SLC17A3: variants seen among roughly 807,000 people sequenced by gnomAD.
The protein encoded by SLC17A3 is solute carrier family 17 member 3.
In SLC17A3, 61 loss-of-function variants were observed where a neutral mutation model predicts 60.3. The observed-to-expected ratio is 1.01, with a 90% CI of 0.82 to 1.25. SLC17A3 has a LOEUF of 1.25. Among genes scored for constraint, SLC17A3 ranks in the 50% most tolerant of loss-of-function variants. The pLI is 0.00. For synonymous variants in SLC17A3, 192 were observed against 208.9 expected, an observed-to-expected ratio of 0.92 and a Z score of 0.70; for missense variants, 624 against 594.9, an observed-to-expected ratio of 1.05 and a Z score of -0.51.
chr6:25,856,367 A>G (rs979546043), intron 5 of SLC17A3, among the ~76,000 whole-genome samples: 4 of 152,168 alleles, frequency 2.6e-5, no homozygotes, highest in Non-Finnish European at 5.9e-5. Context: ...CTCCGAAGAA[A>G]TGGAATGACA....
intron 2 of SLC17A3, among the ~76,000 whole-genome samples, chr6:25,863,127 C>T (rs755516785): frequency 2.6e-5 from 4 of 151,936 alleles, no homozygotes; most frequent in East Asian, 1.9e-4. Flanking sequence ...GCAACTAAAA[C>T]GCAGAAATCT....
At chr6:25,871,405 T>C (rs912829540) in intron 1 of SLC17A3, among the ~76,000 whole-genome samples, 8 of 149,386 alleles carry the variant, frequency 5.4e-5, no homozygotes, top group African/African-American at 1.5e-4. Flanking sequence ...AACCAAACAC[T>C]GCATGTTCTC....
At chr6:25,847,168 A>C (rs1765188337) in intron 11 of SLC17A3, among the ~76,000 whole-genome samples, 1 of 152,004 alleles carries the variant, frequency 6.6e-6, no homozygotes, top group Non-Finnish European at 1.5e-5. Flanking sequence ...AAGTGAGAAC[A>C]TGTGGTATTT....
At chr6:25,869,140 G>T (rs980288370) in intron 1 of SLC17A3, among the ~76,000 whole-genome samples, 3 of 151,940 alleles carry the variant, frequency 2.0e-5, no homozygotes, top group Non-Finnish European at 4.4e-5. Context: ...TAACATGGAG[G>T]TTGTGACCTT....
chr6:25,845,148 C>G lies in SLC17A3; in HGVS notation c.*153G>C. Reference sequence around the variant, plus strand: ...ATTTTTATTCATCTTACATTTCTCTCAAAAAAAAGTCTGAATAAAATAATG... The same window carrying G: ...ATTTTTATTCATCTTACATTTCTCTGAAAAAAAAGTCTGAATAAAATAATG... On this transcript the variant is annotated 3_prime_UTR_variant, in exon 13 of 13. Coordinates refer to ENST00000397060, the MANE Select transcript of SLC17A3 (RefSeq NM_001098486.2). 2.1e-6 allele frequency: 1 copy of G among 473,868 alleles called. No homozygotes were observed. The highest frequency in any genetic ancestry group is 3.8e-6 in the Non-Finnish European group (1 of 262,366). 29.4% of individuals were successfully genotyped at this position (473,868 alleles called of 1,614,324 possible).
In SLC17A3 at chr6:25,857,303, C is replaced by G. The variant is rs117777868; in HGVS notation, c.626-2073G>C. On this transcript the variant is annotated intron_variant, in intron 5 of 12. Transcript: ENST00000397060. ...TATTATTTTTTATTTCTTTTGTGAA[C>G]TGTCTGTTCATAATCTTTTTATCTT... is the stretch of plus-strand genomic sequence containing the variant. 4.6e-3 allele frequency among the ~76,000 whole-genome samples: 700 copies of G among 150,906 alleles called. 18 individuals carry two copies. Among genetic ancestry groups the G allele is most frequent in the East Asian group, 0.045 (234 of 5,154 alleles).
At chr6:25,856,973 C>T (rs963945229) in intron 5 of SLC17A3, among the ~76,000 whole-genome samples, 1 of 151,680 alleles carries the variant, frequency 6.6e-6, no homozygotes, top group Non-Finnish European at 1.5e-5. Context: ...CAGTTGAGGC[C>T]AGGAATTCAA....
chr6:25,850,812 G>T lies in SLC17A3; in HGVS notation c.778C>A (p.Pro260Thr). ...TCTTTTTCTGAGGTGCTTATCCATG[G>T]ATAGGAAACGGGGTCATCATAAATC... is the stretch of plus-strand genomic sequence containing the variant. ...VVIYDDPVSYPWISTSEKEYI... is the reference protein window; with the variant it reads ...VVIYDDPVSYTWISTSEKEYI... Residue 260 changes from proline to threonine, a missense_variant, in exon 7 of 13, where the codon CCA (proline) becomes ACA (threonine). Transcript: ENST00000397060. 1 of 1,614,052 alleles carries T rather than the reference G, an allele frequency of 6.2e-7. No individual in the cohort carries two copies. Among genetic ancestry groups the T allele is most frequent in the African/African-American group, 1.3e-5 (1 of 75,026 alleles).
At chr6:25,866,444 A>G (rs73385008) in intron 2 of SLC17A3, among the ~76,000 whole-genome samples, 4,396 of 152,088 alleles carry the variant, frequency 0.029, 197 homozygotes, top group African/African-American at 0.095. Context: ...CAACCAATCA[A>G]TTGTAGCCTT....
chr6:25,854,926 T>C (rs372497007), intron 6 of SLC17A3, among the ~76,000 whole-genome samples: 1 of 152,208 alleles, frequency 6.6e-6, no homozygotes, highest in South Asian at 2.1e-4. Context: ...CCTGTGATAA[T>C]AACACAATAT....
Position 25,849,866 on chromosome 6 carries a change from A to T in SLC17A3, c.1210T>A (p.Cys404Ser), listed in dbSNP as rs151018667. Residue 404 changes from cysteine (C) to serine (S), a missense_variant, in exon 10 of 13, where the codon TGC becomes AGC. Transcript: ENST00000397060. ...GACTGACACAATGTGCTTAATCCGC[A>T]AGAGAGCGTCAGCAAGGCAGTTGCT... ...ITATALLTLS[C>S]GLSTLCQSGI... 1.1e-4 allele frequency: 175 copies of T among 1,614,112 alleles called. No homozygotes were observed. The East Asian group carries it at 3.7e-3, about 34-fold the overall frequency.
intron 5 of SLC17A3, among the ~76,000 whole-genome samples, chr6:25,855,641 A>G (rs1165276067): frequency 1.3e-5 from 2 of 152,162 alleles, no homozygotes; most frequent in African/African-American, 4.8e-5. Context: ...TTCTGCACAC[A>G]TAAATAATAT....
At chr6:25,854,814 C>T (rs558260546) in intron 6 of SLC17A3, among the ~76,000 whole-genome samples, 11 of 151,162 alleles carry the variant, frequency 7.3e-5, no homozygotes, top group African/African-American at 2.7e-4. Flanking sequence ...ACAAAACCCA[C>T]AGCAGCACCT....
Position 25,845,214 on chromosome 6 carries a change from A to G in SLC17A3, c.*87T>C. 1.5e-6 allele frequency: 1 copy of G among 665,142 alleles called. No individual in the cohort carries two copies. The highest frequency in any genetic ancestry group is 2.5e-6 in the Non-Finnish European group (1 of 401,212). The allele number at this position is 665,142 out of a possible 1,614,324, so 41.2% of individuals were successfully genotyped here. A position where few individuals can be genotyped will look rare whatever the true frequency, so the allele number is the denominator to read the frequency against. ...TGAAAAGAGCCACAGGAAAAAAAAAATCTTTTCACTGGTATTTTCATCACG... is the reference window on the plus strand; with the variant it reads ...TGAAAAGAGCCACAGGAAAAAAAAAGTCTTTTCACTGGTATTTTCATCACG... On this transcript the variant is annotated 3_prime_UTR_variant, in exon 13 of 13. Transcript: ENST00000397060.
rs369858810 is a variant in SLC17A3 at position 25,861,852 on chromosome 6, T to C, written c.481A>G (p.Thr161Ala). ...SFLTLCIPLA[T>A]DFGIVLLIVT... is the part of the protein sequence containing the mutation. Reference sequence around the variant, plus strand: ...ATGAGCAAGACTATTCCAAAGTCAGTGGCCAGAGGGATGCATAGAGTGAGA... The same window carrying C: ...ATGAGCAAGACTATTCCAAAGTCAGCGGCCAGAGGGATGCATAGAGTGAGA... The change falls in exon 4 of 13, where the codon ACT (threonine) becomes GCT (alanine). Residue 161 changes from threonine (T) to alanine (A), a missense_variant. Physicochemically the swap from Thr to Ala is moderately conservative, Grantham distance 58. Coordinates refer to ENST00000397060, the MANE Select transcript of SLC17A3 (RefSeq NM_001098486.2). The C allele has an allele frequency of 5.0e-6, 8 of 1,613,492 alleles. No individual in the cohort carries two copies. In the African/African-American group the frequency reaches 1.1e-4, roughly 22 times the overall value.
chr6:25,846,736 G>A (rs1257550836), intron 11 of SLC17A3, among the ~76,000 whole-genome samples: 1 of 151,884 alleles, frequency 6.6e-6, no homozygotes, highest in Non-Finnish European at 1.5e-5. Context: ...TCAGCCTCCC[G>A]AGTAGCTGGG....
Position 25,861,842 on chromosome 6 carries a change from C to T in SLC17A3, c.491G>A (p.Gly164Glu), listed in dbSNP as rs764920343. ...TLCIPLATDF[G>E]IVLLIVTRIV... ...TCGAGTTACAATGAGCAAGACTATT[C>T]CAAAGTCAGTGGCCAGAGGGATGCA... is the stretch of plus-strand genomic sequence containing the variant. Residue 164 changes from glycine (G) to glutamate (E), a missense_variant, in exon 4 of 13, where the codon GGA becomes GAA. Gly to Glu is a moderately conservative substitution (Grantham distance 98, BLOSUM62 -2). Transcript: ENST00000397060. 1.2e-6 allele frequency: 2 copies of T among 1,613,580 alleles called. No individual in the cohort carries two copies. Among genetic ancestry groups the T allele is most frequent in the South Asian group, 1.1e-5 (1 of 91,040 alleles).
chr6:25,850,219 T>C (rs1206342412), intron 8 of SLC17A3, 42 bp from the exon 9 acceptor site: 3 of 1,592,540 alleles, frequency 1.9e-6, no homozygotes, highest in Non-Finnish European at 1.7e-6. Context: ...ATAAAGGCAG[T>C]GAGACCACAA....
chr6:25,848,377 CCAA>C (rs1212552141), intron 11 of SLC17A3, among the ~76,000 whole-genome samples: 1 of 152,122 alleles, frequency 6.6e-6, no homozygotes, highest in Non-Finnish European at 1.5e-5. Context: ...GTCATCCAGG[CCAA>C]CAACAATGGC....
Sources: gnomAD v4.1 joint callset for allele counts (sites outside exome capture counted in the v4.1 genomes callset) on GRCh38, gnomAD v4.1.1 for gene constraint, MANE v1.5 for transcripts, NCBI Gene and HGNC (gene_info 2026-07-23, HGNC 2026-07-21) for gene names.